Variants in SLC4A4 observed in about 807,000 individuals in gnomAD.
The protein encoded by SLC4A4 is solute carrier family 4 member 4.
SLC4A4 carries 27 observed loss-of-function variants against 111.5 expected under a neutral mutation model. The ratio of observed to expected loss-of-function variants is 0.24; its 90% CI spans 0.18 to 0.33. SLC4A4 has a LOEUF of 0.33. Ranked by LOEUF, SLC4A4 falls within the 10% of genes least tolerant of loss-of-function variation. SLC4A4 has a pLI of 1.00. For missense variants in SLC4A4, 909 were observed against 1,315.5 expected (o/e 0.69, Z 4.78); for synonymous variants, 443 against 463.4 (o/e 0.96, Z 0.57).
At chr4:71,548,664 AT>A (rs1262041026) in intron 20 of SLC4A4, among the ~76,000 whole-genome samples, 1 of 151,910 alleles carries the variant, frequency 6.6e-6, no homozygotes, top group Admixed American at 6.6e-5. Flanking sequence ...TACAATTTTT[AT>A]TTTTAAACAT....
Position 71,162,591 on chromosome 4 carries a change from A to G in SLC4A4, c.-2+69799A>G, listed in dbSNP as rs147549040. Among the ~76,000 whole-genome samples, 5 of 152,308 alleles carry G rather than the reference A, an allele frequency of 3.3e-5. 1 individual carries two copies. Among genetic ancestry groups the G allele is most frequent in the African/African-American group, 1.2e-4 (5 of 41,552 alleles). On this transcript the variant is annotated intron_variant, in intron 2 of 26. Coordinates refer to the SLC4A4 transcript ENST00000649996. ...TAAATGGATTCATAGTTCATGAGAGAGGGGTGTGAACCACTAATGAATGTA... is the reference window on the plus strand; with the variant it reads ...TAAATGGATTCATAGTTCATGAGAGGGGGGTGTGAACCACTAATGAATGTA...
chr4:71,419,636 C>T (rs987632366), intron 7 of SLC4A4, among the ~76,000 whole-genome samples: 6 of 152,226 alleles, frequency 3.9e-5, no homozygotes, highest in African/African-American at 1.4e-4. Context: ...CTCGCTGACC[C>T]CTTGTGCTTC....
chr4:71,455,098 C>A (rs1370266916), intron 12 of SLC4A4, among the ~76,000 whole-genome samples: 1 of 152,188 alleles, frequency 6.6e-6, no homozygotes, highest in Non-Finnish European at 1.5e-5. Context: ...TTTGCTTTTT[C>A]CCACATAAAT....
At chr4:71,467,290 T>A (rs1291779850) in intron 13 of SLC4A4, among the ~76,000 whole-genome samples, 2 of 152,124 alleles carry the variant, frequency 1.3e-5, no homozygotes, top group Non-Finnish European at 2.9e-5. Context: ...CATTCAATAA[T>A]GAAAGAGACT....
intron 22 of SLC4A4, among the ~76,000 whole-genome samples, chr4:71,558,166 G>A (rs895898259): frequency 9.9e-5 from 15 of 151,906 alleles, no homozygotes; most frequent in African/African-American, 3.6e-4. Context: ...GAGTTGCATT[G>A]TTGTTTTTCT....
At chr4:71,265,317 C>A (rs1722157731) in intron 3 of SLC4A4, among the ~76,000 whole-genome samples, 2 of 152,024 alleles carry the variant, frequency 1.3e-5, no homozygotes, top group African/African-American at 4.8e-5. Context: ...AAAAAGAAAT[C>A]AATCAGGGCA....
At chr4:71,469,304 A>G (rs547854147) in intron 13 of SLC4A4, among the ~76,000 whole-genome samples, 3 of 152,014 alleles carry the variant, frequency 2.0e-5, no homozygotes, top group South Asian at 4.1e-4. Context: ...ATTTTTCCCT[A>G]TATTCTTTAA....
At chr4:71,138,906 G>A (rs1199088930) in intron 2 of SLC4A4, among the ~76,000 whole-genome samples, 1 of 151,888 alleles carries the variant, frequency 6.6e-6, no homozygotes, top group African/African-American at 2.4e-5. Context: ...CGTGGTGGTG[G>A]GCGCCTGCAG....
At chr4:71,386,047 T>TA (rs1480593066) in intron 6 of SLC4A4, among the ~76,000 whole-genome samples, 3 of 151,944 alleles carry the variant, frequency 2.0e-5, no homozygotes, top group Non-Finnish European at 2.9e-5. Flanking sequence ...TCTATATATA[T>TA]TTTTTTCATG....
At chr4:71,190,764 A>G (rs1490471251) in intron 1 of SLC4A4, among the ~76,000 whole-genome samples, 1 of 152,212 alleles carries the variant, frequency 6.6e-6, no homozygotes, top group East Asian at 1.9e-4. Flanking sequence ...TAAAAAATGA[A>G]CAAGTGTATA....
At chr4:71,393,855 C>A (rs1483074638) in intron 6 of SLC4A4, among the ~76,000 whole-genome samples, 3 of 151,926 alleles carry the variant, frequency 2.0e-5, no homozygotes, top group Admixed American at 6.6e-5. Context: ...CAGAAATAAA[C>A]CCAAATACTT....
intron 15 of SLC4A4, among the ~76,000 whole-genome samples, chr4:71,495,682 T>C (rs536685744): frequency 4.0e-4 from 61 of 152,226 alleles, no homozygotes; most frequent in Non-Finnish European, 6.5e-4. Flanking sequence ...TGACAATTCA[T>C]TGAATAGTAA....
intron 1 of SLC4A4, among the ~76,000 whole-genome samples, chr4:71,212,218 C>T (rs1169168181): frequency 6.6e-6 from 1 of 152,170 alleles, no homozygotes; most frequent in African/African-American, 2.4e-5. Context: ...TTCTTTATCT[C>T]TATTGTTACT....
rs112312705 is a variant in SLC4A4, at chr4:71,540,192, G to T, written c.2442+5804G>T. Among the ~76,000 whole-genome samples, 476 of 152,218 alleles carry T rather than the reference G, an allele frequency of 3.1e-3. 2 individuals carry two copies. The highest frequency in any genetic ancestry group is 5.2e-3 in the Non-Finnish European group (351 of 67,996). Reference sequence around the variant, plus strand: ...TAGTGTCCCCATAAATGAGCATATTGTCTGGATCTTTGTGGGCCCCTAGCA... The same window carrying T: ...TAGTGTCCCCATAAATGAGCATATTTTCTGGATCTTTGTGGGCCCCTAGCA... On this transcript the variant is annotated intron_variant, in intron 18 of 25. Transcript: ENST00000264485.
chr4:71,361,114 A>G (rs758301623), intron 6 of SLC4A4, among the ~76,000 whole-genome samples: 8 of 152,204 alleles, frequency 5.3e-5, no homozygotes, highest in East Asian at 1.9e-4. Flanking sequence ...CAGGCCGGTC[A>G]GAGTTTCTCC....
At chr4:71,301,028 CT>C in intron 3 of SLC4A4, 1 of 434,324 alleles carries the variant, frequency 2.3e-6, no homozygotes, top group East Asian at 6.4e-5. Context: ...TGCCAGCCCA[CT>C]AGAAGGGAGA....
At chr4:71,351,679 AC>A (rs146124026) in intron 5 of SLC4A4, among the ~76,000 whole-genome samples, 1 of 152,070 alleles carries the variant, frequency 6.6e-6, no homozygotes, top group African/African-American at 2.4e-5. Flanking sequence ...ACATGGTGAA[AC>A]CCCACTCCTG....
In SLC4A4 at chr4:71,344,532, C is replaced by T. The variant is rs547054342; in HGVS notation, c.389+5027C>T. 7.2e-5 allele frequency among the ~76,000 whole-genome samples: 11 copies of T among 152,190 alleles called. No homozygotes were observed. The South Asian group carries it at 1.9e-3, about 26-fold the overall frequency. On this transcript the variant is annotated intron_variant, in intron 4 of 25. Transcript: ENST00000264485. ...AGATGTGACATGAATCTTTTTCTGG[C>T]CAACTTATAAATTGATAATATTTTG...
chr4:71,399,712 T>C (rs1015353500), intron 7 of SLC4A4, among the ~76,000 whole-genome samples: 2 of 152,044 alleles, frequency 1.3e-5, no homozygotes, highest in African/African-American at 4.8e-5. Context: ...TTTATGATGC[T>C]CTGAAATCTG....
Sources: gnomAD v4.1 joint callset for allele counts (sites outside exome capture counted in the v4.1 genomes callset) on GRCh38, gnomAD v4.1.1 for gene constraint, MANE v1.5 for transcripts, NCBI Gene and HGNC (gene_info 2026-07-23, HGNC 2026-07-21) for gene names.